SCG5: variants seen among roughly 807,000 people sequenced by gnomAD.
SCG5 encodes secretogranin V.
SCG5 carries 18 observed loss-of-function variants against 25.7 expected under a neutral mutation model. The observed-to-expected ratio is 0.70, with a 90% confidence interval of 0.48 to 1.04. The LOEUF (loss-of-function observed/expected upper bound fraction) is 1.04. Among genes scored for constraint, SCG5 ranks in the 50% least tolerant of loss-of-function variants. The probability of loss-of-function intolerance (pLI) is 0.00; values close to 1 mark genes in which losing one functional copy is unlikely to be tolerated. For missense variants in SCG5, 206 were observed against 259.8 expected, an observed-to-expected ratio of 0.79 and a Z score of 1.42; for synonymous variants, 101 against 91.7, an observed-to-expected ratio of 1.10 and a Z score of -0.58.
chr15:32,681,728 G>A (rs1289788866), intron 3 of SCG5, among the ~76,000 whole-genome samples: 1 of 151,860 alleles, frequency 6.6e-6, no homozygotes, highest in Non-Finnish European at 1.5e-5. Context: ...GGGATTATGG[G>A]TGTGAGCTAC....
At chr15:32,657,195 T>C (rs2054131165) in intron 2 of SCG5, among the ~76,000 whole-genome samples, 1 of 4,964 alleles carries the variant, frequency 2.0e-4, no homozygotes, top group Non-Finnish European at 3.6e-4. Flanking sequence ...TCTTTCATCC[T>C]CCTGTATATA....
At chr15:32,666,991 A>G (rs1255757548) in intron 2 of SCG5, among the ~76,000 whole-genome samples, 3 of 152,246 alleles carry the variant, frequency 2.0e-5, no homozygotes, top group Admixed American at 6.5e-5. Context: ...TACTCTAAGT[A>G]TAAACTACAC....
intron 3 of SCG5, among the ~76,000 whole-genome samples, chr15:32,684,224 C>T (rs190617298): frequency 6.6e-6 from 1 of 152,286 alleles, no homozygotes; most frequent in East Asian, 1.9e-4. Flanking sequence ...GAATGGAATA[C>T]ATTACTTGTG....
intron 2 of SCG5, among the ~76,000 whole-genome samples, chr15:32,671,906 G>A (rs1211371837): frequency 1.3e-5 from 2 of 152,148 alleles, no homozygotes; most frequent in Admixed American, 6.5e-5. Flanking sequence ...AGCCTGGGGA[G>A]CCTTGCCGCC....
chr15:32,696,459 T>A (rs971676525), intron 5 of SCG5, 55 bp from the exon 6 acceptor site: 3 of 1,224,142 alleles, frequency 2.5e-6, no homozygotes, highest in Non-Finnish European at 3.6e-6. Flanking sequence ...GATGTCTGTA[T>A]CTGATGTTCA....
intron 2 of SCG5, among the ~76,000 whole-genome samples, chr15:32,673,695 A>G (rs1034539578): frequency 2.6e-5 from 4 of 152,142 alleles, no homozygotes; most frequent in African/African-American, 4.8e-5. Flanking sequence ...GACAAAGAAC[A>G]TTAAAAACTA....
At chr15:32,650,264 A>AT (rs965206492) in intron 2 of SCG5, among the ~76,000 whole-genome samples, 1 of 150,838 alleles carries the variant, frequency 6.6e-6, no homozygotes, top group African/African-American at 2.4e-5. Context: ...CACCTGGCTA[A>AT]TTTTTTTTTC....
At chr15:32,695,092 T>C (rs2054931662) in intron 5 of SCG5, among the ~76,000 whole-genome samples, 3 of 151,982 alleles carry the variant, frequency 2.0e-5, no homozygotes. Context: ...CTCGGCTCAC[T>C]GCAAGCTCCG....
At chr15:32,650,056 A>G (rs1009482180) in intron 2 of SCG5, among the ~76,000 whole-genome samples, 8 of 152,144 alleles carry the variant, frequency 5.3e-5, no homozygotes, top group African/African-American at 1.9e-4. Context: ...GTGGATTATC[A>G]ACAACATGTT....
In SCG5 at chr15:32,643,749, A is replaced by G; in HGVS notation, c.157A>G (p.Ile53Val). The G allele has an allele frequency of 6.2e-7, 1 of 1,613,968 alleles. No homozygotes were observed. ...LLHGVMEQLG[I>V]ARPRVEYPAH... ...TCATGGTGTTATGGAGCAATTGGGCATTGCCAGGCCCCGAGTGGAATATCC... is the reference window on the plus strand; with the variant it reads ...TCATGGTGTTATGGAGCAATTGGGCGTTGCCAGGCCCCGAGTGGAATATCC... Residue 53 changes from isoleucine to valine, a missense_variant, in exon 2 of 6, where the codon ATT becomes GTT. Coordinates refer to ENST00000300175, the MANE Select transcript of SCG5 (RefSeq NM_001144757.3).
chr15:32,691,904 A>T, intron 5 of SCG5, 141 bp downstream of exon 5: 1 of 1,491,306 alleles, frequency 6.7e-7, no homozygotes, highest in Non-Finnish European at 8.9e-7. Flanking sequence ...CCATGTGACA[A>T]GGGCCACACC....
At chr15:32,662,207 T>G (rs548274721) in intron 2 of SCG5, among the ~76,000 whole-genome samples, 1 of 152,312 alleles carries the variant, frequency 6.6e-6, no homozygotes, top group East Asian at 1.9e-4. Flanking sequence ...CTCTGGGGTA[T>G]ATATTTCTAT....
chr15:32,653,310 G>C (rs2054063306), intron 2 of SCG5, among the ~76,000 whole-genome samples: 1 of 152,218 alleles, frequency 6.6e-6, no homozygotes, highest in African/African-American at 2.4e-5. Context: ...GAATGTCAAA[G>C]AGGGACACAG....
At chr15:32,686,058 A>G (rs6494586) in intron 4 of SCG5, among the ~76,000 whole-genome samples, 152,338 of 152,358 alleles carry the variant, frequency 1, 76,159 homozygotes, top group Middle Eastern at 1. Flanking sequence ...TGTCTTCAAC[A>G]TACACACATT....
chr15:32,644,814 T>C (rs1287395035), intron 2 of SCG5, among the ~76,000 whole-genome samples: 1 of 152,228 alleles, frequency 6.6e-6, no homozygotes, highest in Non-Finnish European at 1.5e-5. Flanking sequence ...AAATGCTGTT[T>C]GTTCCCTACA....
At chr15:32,655,093 G>C (rs949092572) in intron 2 of SCG5, among the ~76,000 whole-genome samples, 1 of 152,086 alleles carries the variant, frequency 6.6e-6, no homozygotes, top group Admixed American at 6.5e-5. Context: ...CGGATCACAG[G>C]GTCAGGAGAT....
chr15:32,690,557 G>A (rs1216456013), intron 4 of SCG5, among the ~76,000 whole-genome samples: 1 of 152,188 alleles, frequency 6.6e-6, no homozygotes, highest in Non-Finnish European at 1.5e-5. Flanking sequence ...CAGTACTGGT[G>A]TTTTTGGTAG....
chr15:32,685,313 G>C (rs2054688897), intron 4 of SCG5, among the ~76,000 whole-genome samples: 1 of 152,180 alleles, frequency 6.6e-6, no homozygotes, highest in Admixed American at 6.5e-5. Flanking sequence ...CCATTTGCCA[G>C]CATTATTCAT....
intron 2 of SCG5, among the ~76,000 whole-genome samples, chr15:32,649,947 A>G (rs2054007677): frequency 6.6e-6 from 1 of 152,220 alleles, no homozygotes; most frequent in Non-Finnish European, 1.5e-5. Context: ...TGGTGTTTGA[A>G]AAATAAAAAT....
Sources: allele counts gnomAD v4.1 joint callset (sites outside exome capture counted in the v4.1 genomes callset), GRCh38; gene constraint gnomAD v4.1.1; transcripts MANE v1.5; gene names NCBI Gene and HGNC (gene_info 2026-07-23, HGNC 2026-07-21).